The following KGD4 variants were observed in gnomAD, a reference collection of about 807,000 sequenced individuals.
The protein encoded by KGD4 is alpha-ketoglutarate dehydrogenase subunit 4, also known as alpha-ketoglutarate dehydrogenase component 4.
chr5:69,224,094 A>C, the KGD4 span, among the ~76,000 whole-genome samples: 1 of 151,686 alleles, frequency 6.6e-6, no homozygotes, highest in East Asian at 1.9e-4. Flanking sequence ...AAGTGCTATC[A>C]AATGTTTTAA....
the KGD4 span, among the ~76,000 whole-genome samples, chr5:69,225,830 C>T: frequency 3.9e-5 from 6 of 152,200 alleles, no homozygotes; most frequent in South Asian, 2.1e-4. Flanking sequence ...CCGTCCGCCT[C>T]GGCCTCCCAA....
chr5:69,217,836 GGCAGCAA>G, the KGD4 span: 3 of 1,613,856 alleles, frequency 1.9e-6, no homozygotes, highest in Non-Finnish European at 2.5e-6. Context: ...GGTCATGATG[GGCAGCAA>G]GATGGCGTCT....
the KGD4 span, among the ~76,000 whole-genome samples, chr5:69,221,261 G>A: frequency 6.6e-6 from 1 of 151,862 alleles, no homozygotes; most frequent in Admixed American, 6.6e-5. Flanking sequence ...TAGCTACTTA[G>A]GAGGCTGAGG....
chr5:69,228,427 C>T, the KGD4 span: 2 of 1,539,532 alleles, frequency 1.3e-6, no homozygotes, highest in South Asian at 1.3e-5. Context: ...CGCAAAACAC[C>T]ATAACATTTG....
At chr5:69,225,438 T>C in the KGD4 span, among the ~76,000 whole-genome samples, 2 of 151,846 alleles carry the variant, frequency 1.3e-5, no homozygotes, top group Admixed American at 1.3e-4. Context: ...TGCTAATTTT[T>C]GTATTTTTAG....
chr5:69,223,418 TGGTGA>T, the KGD4 span, among the ~76,000 whole-genome samples: 2 of 151,484 alleles, frequency 1.3e-5, no homozygotes, highest in African/African-American at 4.8e-5. Context: ...CATGATTTTA[TGGTGA>T]GGGAGAGAAC....
At chr5:69,218,212 A>G in the KGD4 span, 7 of 318,148 alleles carry the variant, frequency 2.2e-5, no homozygotes, top group Admixed American at 1.0e-4. Flanking sequence ...AGCCTGGCCA[A>G]TCGCCGTCTA....
the KGD4 span, among the ~76,000 whole-genome samples, chr5:69,221,496 T>C: frequency 6.6e-6 from 1 of 152,214 alleles, no homozygotes; most frequent in Non-Finnish European, 1.5e-5. Context: ...AGTCAACTGA[T>C]CTTTGACAAA....
the KGD4 span, chr5:69,218,079 G>C: frequency 1.4e-6 from 1 of 709,486 alleles, no homozygotes; most frequent in Non-Finnish European, 2.3e-6. Flanking sequence ...CCGAGGGTTC[G>C]AGCCTTGCGG....
At chr5:69,223,634 T>C in the KGD4 span, among the ~76,000 whole-genome samples, 1 of 149,754 alleles carries the variant, frequency 6.7e-6, no homozygotes, top group South Asian at 2.2e-4. Context: ...GTTCATTAGA[T>C]TCTTAGCATT....
chr5:69,217,897 A>C, the KGD4 span: 2 of 1,613,958 alleles, frequency 1.2e-6, no homozygotes. Context: ...GCGTTTCCGC[A>C]TCTTGGGCGG....
At chr5:69,224,245 G>T in the KGD4 span, among the ~76,000 whole-genome samples, 2 of 151,998 alleles carry the variant, frequency 1.3e-5, no homozygotes, top group East Asian at 3.9e-4. Flanking sequence ...ACAAAAATTA[G>T]CGGGGTGTGG....
chr5:69,223,657 G>T, the KGD4 span, among the ~76,000 whole-genome samples: 1 of 146,008 alleles, frequency 6.8e-6, no homozygotes, highest in African/African-American at 2.5e-5. Flanking sequence ...ATATTCAGAA[G>T]ATTTCATATT....
chr5:69,219,834 A>G, the KGD4 span, among the ~76,000 whole-genome samples: 1 of 152,172 alleles, frequency 6.6e-6, no homozygotes, highest in African/African-American at 2.4e-5. Context: ...CGAAAAATAA[A>G]TAATAAAGTA....
At chr5:69,224,890 C>T in the KGD4 span, among the ~76,000 whole-genome samples, 1,010 of 151,838 alleles carry the variant, frequency 6.7e-3, 9 homozygotes, top group African/African-American at 0.023. Flanking sequence ...TTGGCTAACA[C>T]GGTGAAACCC....
At chr5:69,228,359 T>TGTCTC in the KGD4 span, 1 of 1,600,962 alleles carries the variant, frequency 6.2e-7, no homozygotes, top group Non-Finnish European at 8.5e-7. Flanking sequence ...AGGAAACTTG[T>TGTCTC]GTCTCAAGAA....
the KGD4 span, among the ~76,000 whole-genome samples, chr5:69,223,056 G>C: frequency 0.44 from 60,801 of 138,480 alleles, 13,486 homozygotes; most frequent in South Asian, 0.55. Flanking sequence ...GATGACAGGC[G>C]TGAGTCACGG....
the KGD4 span, among the ~76,000 whole-genome samples, chr5:69,222,736 A>G: frequency 6.6e-6 from 1 of 151,924 alleles, no homozygotes; most frequent in African/African-American, 2.4e-5. Flanking sequence ...GATAGGATAG[A>G]TAGAACATTC....
the KGD4 span, among the ~76,000 whole-genome samples, chr5:69,222,823 G>C: frequency 6.7e-6 from 1 of 150,152 alleles, no homozygotes; most frequent in Non-Finnish European, 1.5e-5. Context: ...GCCTCTCTCT[G>C]TCACTCAGGC....
Sources: gnomAD v4.1 joint callset for allele counts (sites outside exome capture counted in the v4.1 genomes callset) on GRCh38, gnomAD v4.1.1 for gene constraint, MANE v1.5 for transcripts, NCBI Gene and HGNC (gene_info 2026-07-23, HGNC 2026-07-21) for gene names.